Variants in KCNT2 observed in about 807,000 individuals in gnomAD.
KCNT2 encodes potassium channel subfamily T member 2.
KCNT2 carries 67 observed loss-of-function variants against 153.8 expected under a neutral mutation model. That is an observed-to-expected ratio of 0.44 (90% CI 0.36 to 0.53). The LOEUF (loss-of-function observed/expected upper bound fraction) is 0.53, where lower values mean the gene tolerates loss of function less well. Among genes scored for constraint, KCNT2 ranks in the 20% least tolerant of loss-of-function variants. The pLI, the probability that KCNT2 is intolerant of heterozygous loss-of-function variation, is 0.00. For synonymous variants in KCNT2, 500 were observed against 458.8 expected, an observed-to-expected ratio of 1.09 and a Z score of -1.15; for missense variants, 975 against 1,354.8, an observed-to-expected ratio of 0.72 and a Z score of 4.40.
intron 1 of KCNT2, among the ~76,000 whole-genome samples, chr1:196,513,525 T>C (rs1264348729): frequency 6.6e-6 from 1 of 152,198 alleles, no homozygotes; most frequent in Non-Finnish European, 1.5e-5. Flanking sequence ...CCAGACTTAA[T>C]TATCGTACAA....
intron 1 of KCNT2, among the ~76,000 whole-genome samples, chr1:196,494,471 C>T (rs1244495104): frequency 6.6e-6 from 1 of 152,046 alleles, no homozygotes; most frequent in Non-Finnish European, 1.5e-5. Context: ...GCGATCTCAG[C>T]TCACTGCAAG....
intron 1 of KCNT2, among the ~76,000 whole-genome samples, chr1:196,543,630 T>C (rs1474458779): frequency 6.6e-6 from 1 of 152,158 alleles, no homozygotes; most frequent in Non-Finnish European, 1.5e-5. Context: ...CCACGATAAT[T>C]TTCTATAATT....
intron 1 of KCNT2, among the ~76,000 whole-genome samples, chr1:196,565,295 T>A (rs1163876810): frequency 6.6e-6 from 1 of 151,574 alleles, no homozygotes; most frequent in Non-Finnish European, 1.5e-5. Flanking sequence ...AAAAGATAAG[T>A]GTTGGCTAGA....
chr1:196,376,661 A>T lies in KCNT2; in HGVS notation c.1295-3413T>A, dbSNP rs566787685. ...ATTCCACCTTGTAAGACTTGATTACATAATTTGGGTCACTCTTGACACATT... is the reference window on the plus strand; with the variant it reads ...ATTCCACCTTGTAAGACTTGATTACTTAATTTGGGTCACTCTTGACACATT... On this transcript the variant is annotated intron_variant, in intron 13 of 27. Transcript: ENST00000294725. 1.2e-4 allele frequency among the ~76,000 whole-genome samples: 19 copies of T among 152,094 alleles called. No individual in the cohort carries two copies. The South Asian group carries it at 3.7e-3, about 30-fold the overall frequency.
intron 14 of KCNT2, among the ~76,000 whole-genome samples, chr1:196,347,903 A>C (rs1033679211): frequency 3.3e-5 from 5 of 152,086 alleles, no homozygotes; most frequent in Admixed American, 2.6e-4. Context: ...TCCTTTCATA[A>C]TACTGTAACA....
chr1:196,297,362 A>T (rs549436442), intron 22 of KCNT2, among the ~76,000 whole-genome samples: 70 of 152,026 alleles, frequency 4.6e-4, no homozygotes, highest in Non-Finnish European at 8.7e-4. Flanking sequence ...TTTGCTATAC[A>T]TTTTCCTCTT....
rs1280216707 is a variant in KCNT2, at chr1:196,500,209, AGAGAGAGAGAGAGACG to A, written c.96-7884_96-7869del. Among the ~76,000 whole-genome samples the A allele has an allele frequency of 2.6e-3, 359 of 137,844 alleles. 3 individuals carry two copies. The highest frequency in any genetic ancestry group is 9.6e-3 in the African/African-American group (335 of 34,992). 90.4% of individuals were successfully genotyped at this position (137,844 alleles called of 152,430 possible). On this transcript the variant is annotated intron_variant, in intron 1 of 27. Transcript: ENST00000294725. The stretch of plus-strand genomic sequence containing the variant: ...AAGGGAGGGAGGGAAGGAGGGGGAG[AGAGAGAGAGAGAGACG>A]GAGAGAGAGAGAGAGAGAAAGAAAG...
intron 1 of KCNT2, among the ~76,000 whole-genome samples, chr1:196,543,529 A>G (rs1454019693): frequency 6.6e-6 from 1 of 152,170 alleles, no homozygotes; most frequent in Non-Finnish European, 1.5e-5. Flanking sequence ...AAGTCCAGAC[A>G]AAACCAAACT....
At position 196,285,702 on chromosome 1, in the gene KCNT2, A is replaced by G; in HGVS notation, c.2652T>C (p.Ala884=). The stretch of plus-strand genomic sequence containing the variant: ...ACATACTGATGCTAAACACCCTCCC[A>G]GCAGCAAAAGGCAGTCGAAACATAA... ...LAFMFRLPFA[A]GRVFSISMLD... The change falls in exon 23 of 28, where the codon GCT becomes GCC. Residue 884 remains alanine, a synonymous_variant. Transcript: ENST00000294725. 5 of 1,613,602 alleles carry G rather than the reference A, an allele frequency of 3.1e-6. No homozygotes were observed. Among genetic ancestry groups the G allele is most frequent in the Non-Finnish European group, 4.2e-6 (5 of 1,179,584 alleles).
At chr1:196,350,745 T>G (rs1666603972) in intron 14 of KCNT2, among the ~76,000 whole-genome samples, 1 of 152,222 alleles carries the variant, frequency 6.6e-6, no homozygotes, top group Non-Finnish European at 1.5e-5. Context: ...TTGTTGCCAC[T>G]GCTTTTGGTG....
At chr1:196,343,759 G>A (rs1665887332) in intron 14 of KCNT2, among the ~76,000 whole-genome samples, 1 of 151,914 alleles carries the variant, frequency 6.6e-6, no homozygotes, top group Admixed American at 6.6e-5. Flanking sequence ...GTTTTGTTTT[G>A]TTTTGTTTTG....
At chr1:196,384,320 GC>G (rs1669763531) in intron 13 of KCNT2, among the ~76,000 whole-genome samples, 1 of 152,006 alleles carries the variant, frequency 6.6e-6, no homozygotes, top group Non-Finnish European at 1.5e-5. Context: ...ATTTATGTGA[GC>G]CCACCCATAC....
At chr1:196,520,353 T>C (rs761471895) in intron 1 of KCNT2, among the ~76,000 whole-genome samples, 14 of 152,028 alleles carry the variant, frequency 9.2e-5, no homozygotes, top group African/African-American at 1.9e-4. Context: ...AATATCATAC[T>C]GAATAGGCAA....
intron 16 of KCNT2, among the ~76,000 whole-genome samples, chr1:196,339,152 G>T (rs984663681): frequency 2.6e-5 from 4 of 151,782 alleles, no homozygotes; most frequent in African/African-American, 9.7e-5. Flanking sequence ...ATCAGTTTAC[G>T]GACAATAGAA....
In KCNT2 at chr1:196,597,910, A is replaced by C. The variant is rs75198551; in HGVS notation, c.95+10305T>G. On this transcript the variant is annotated intron_variant, in intron 1 of 27. Coordinates refer to ENST00000294725, the MANE Select transcript of KCNT2 (RefSeq NM_198503.5). ...AAGTAACTTCACTTTATGATATGTA[A>C]ATTTCATAACATCCCTGCATAGTGT... 8.1e-4 allele frequency among the ~76,000 whole-genome samples: 124 copies of C among 152,290 alleles called. 2 individuals carry two copies. The East Asian group carries it at 0.024, about 29-fold the overall frequency.
Position 196,508,594 on chromosome 1 carries a change from A to T in KCNT2, c.96-16253T>A, listed in dbSNP as rs189273949. Among the ~76,000 whole-genome samples, 8 of 152,352 alleles carry T rather than the reference A, an allele frequency of 5.3e-5. No homozygotes were observed. The East Asian group carries it at 1.5e-3, about 29-fold the overall frequency. On this transcript the variant is annotated intron_variant, in intron 1 of 27. Coordinates refer to ENST00000294725, the MANE Select transcript of KCNT2 (RefSeq NM_198503.5). ...TAAAATTAAGAATACAAAAAGAAGT[A>T]TTAACAAATTATTAAGAACAAACAT... is the stretch of plus-strand genomic sequence containing the variant.
At chr1:196,295,610 T>G (rs1276847814) in intron 22 of KCNT2, among the ~76,000 whole-genome samples, 1 of 151,964 alleles carries the variant, frequency 6.6e-6, no homozygotes, top group African/African-American at 2.4e-5. Context: ...AGTCTTCATA[T>G]AAGAATTAAG....
intron 1 of KCNT2, among the ~76,000 whole-genome samples, chr1:196,546,962 G>A (rs886548932): frequency 1.2e-4 from 18 of 151,912 alleles, no homozygotes; most frequent in Admixed American, 5.9e-4. Flanking sequence ...ATGTAAATTA[G>A]AGTAATCTGA....
chr1:196,428,932 T>C (rs1369201012), intron 9 of KCNT2, among the ~76,000 whole-genome samples: 1 of 152,026 alleles, frequency 6.6e-6, no homozygotes, highest in Admixed American at 6.6e-5. Context: ...TTTAATTCCA[T>C]TTATATATCC....
Sources: allele counts gnomAD v4.1 joint callset (sites outside exome capture counted in the v4.1 genomes callset), GRCh38; gene constraint gnomAD v4.1.1; transcripts MANE v1.5; gene names NCBI Gene and HGNC (gene_info 2026-07-23, HGNC 2026-07-21).